Variants in MYOCD observed in about 807,000 individuals in gnomAD.
The protein encoded by MYOCD is myocardin.
Under a neutral mutation model 96.1 loss-of-function variants are expected in MYOCD, and 32 were observed. The ratio of observed to expected loss-of-function variants is 0.33; its 90% CI spans 0.25 to 0.45. MYOCD has a LOEUF of 0.45. MYOCD is among the 20% of genes least tolerant of loss of function. The probability of loss-of-function intolerance (pLI) is 1.00; values close to 1 mark genes in which losing one functional copy is unlikely to be tolerated. For synonymous variants in MYOCD, 469 were observed against 469.0 expected, an observed-to-expected ratio of 1.00 and a Z score of 0.00; for missense variants, 1,133 against 1,200.6, an observed-to-expected ratio of 0.94 and a Z score of 0.83.
Position 12,765,232 on chromosome 17 carries a change from A to T in MYOCD, c.*1588A>T, listed in dbSNP as rs1327263878. 1 of 151,538 alleles carries T rather than the reference A, an allele frequency of 6.6e-6. No homozygotes were observed. The highest frequency in any genetic ancestry group is 2.4e-5 in the African/African-American group (1 of 41,180). 9.4% of individuals were successfully genotyped at this position (151,538 alleles called of 1,614,324 possible). ...CTGTGGCTCCAGTTCACCATTTTAT[A>T]TTGTTGCATGCTGTAGAAAGGAGCT... On this transcript the variant is annotated 3_prime_UTR_variant, in exon 14 of 14. Transcript: ENST00000425538.
intron 1 of MYOCD, among the ~76,000 whole-genome samples, chr17:12,693,368 G>A (rs112127421): frequency 6.6e-6 from 1 of 151,870 alleles, no homozygotes; most frequent in African/African-American, 2.4e-5. Context: ...CCAGCACTTT[G>A]GGAGGCCGAG....
chr17:12,721,011 G>A (rs1306785032), intron 4 of MYOCD, among the ~76,000 whole-genome samples: 2 of 125,018 alleles, frequency 1.6e-5, no homozygotes, highest in Non-Finnish European at 3.2e-5. Context: ...AACAGAGCAA[G>A]ACTCTGTCTT....
intron 2 of MYOCD, among the ~76,000 whole-genome samples, chr17:12,708,061 C>A (rs2031358095): frequency 6.6e-6 from 1 of 152,080 alleles, no homozygotes; most frequent in South Asian, 2.1e-4. Flanking sequence ...TCCAGAAGCC[C>A]CCTGATAATT....
chr17:12,717,538 A>G, intron 4 of MYOCD, 117 bp downstream of exon 4: 1 of 806,084 alleles, frequency 1.2e-6, no homozygotes, highest in Non-Finnish European at 2.0e-6. Context: ...TTGCCGTTAC[A>G]AAGTGGTAGT....
At chr17:12,733,695 C>G (rs1171114855) in intron 5 of MYOCD, among the ~76,000 whole-genome samples, 4 of 152,078 alleles carry the variant, frequency 2.6e-5, no homozygotes, top group African/African-American at 9.7e-5. Context: ...TGGTGAAACC[C>G]TGTCTCCACA....
chr17:12,684,388 C>A (rs1278602407), intron 1 of MYOCD, among the ~76,000 whole-genome samples: 1 of 152,132 alleles, frequency 6.6e-6, no homozygotes, highest in African/African-American at 2.4e-5. Flanking sequence ...GCATCCATGG[C>A]CCTCTTTTTC....
intron 5 of MYOCD, among the ~76,000 whole-genome samples, chr17:12,723,497 G>T (rs886664022): frequency 2.0e-5 from 3 of 152,162 alleles, no homozygotes; most frequent in Admixed American, 1.3e-4. Flanking sequence ...GAAATTCATG[G>T]TAAACAGTAC....
Position 12,701,505 on chromosome 17 carries a change from A to AT in MYOCD, c.56-3617dup, listed in dbSNP as rs551375556. On this transcript the variant is annotated intron_variant, in intron 1 of 13. Coordinates refer to ENST00000425538, the MANE Select transcript of MYOCD (RefSeq NM_001146312.3). ...AAATAACTAGCTTTTGGCATTGTCA[A>AT]TTTTTTCTACTACTTGTCTGTTTTC... Among the ~76,000 whole-genome samples, 171 of 152,184 alleles carry AT rather than the reference A, an allele frequency of 1.1e-3. 1 individual carries two copies. Among genetic ancestry groups the AT allele is most frequent in the African/African-American group, 3.7e-3 (155 of 41,518 alleles).
rs757736564 is a variant in MYOCD at position 12,744,409 on chromosome 17, A to G, written c.944A>G (p.Tyr315Cys). 2 of 1,613,154 alleles carry G rather than the reference A, an allele frequency of 1.2e-6. No homozygotes were observed. The highest frequency in any genetic ancestry group is 1.1e-5 in the South Asian group (1 of 90,976). ...QQQQQQHRFS[Y>C]LGMHQAQLKE... ...CAGCAGCAGCAACACCGATTCAGCT[A>G]CCTAGGGATGCACCAAGCTCAGCTT... The change falls in exon 8 of 14, where the codon TAC becomes TGC. Residue 315 changes from tyrosine (Y) to cysteine (C), a missense_variant. Physicochemically the swap from Tyr to Cys is radical, Grantham distance 194 (BLOSUM62 -2). Coordinates refer to ENST00000425538, the MANE Select transcript of MYOCD (RefSeq NM_001146312.3).
At chr17:12,731,430 C>T (rs183980930) in intron 5 of MYOCD, among the ~76,000 whole-genome samples, 1 of 152,218 alleles carries the variant, frequency 6.6e-6, no homozygotes, top group Admixed American at 6.5e-5. Flanking sequence ...GCAAAGCTGA[C>T]CAGAGGATAA....
chr17:12,728,528 G>A (rs1198943605), intron 5 of MYOCD, among the ~76,000 whole-genome samples: 6 of 152,236 alleles, frequency 3.9e-5, no homozygotes, highest in Non-Finnish European at 7.4e-5. Flanking sequence ...TGCCCAGGCT[G>A]GAGTGCAATG....
At chr17:12,754,324 T>C (rs747183003) in intron 10 of MYOCD, among the ~76,000 whole-genome samples, 6 of 152,134 alleles carry the variant, frequency 3.9e-5, no homozygotes, top group Non-Finnish European at 8.8e-5. Context: ...GGCTGGTCTC[T>C]AACTCCTGAC....
chr17:12,767,525 T>C lies in MYOCD; in HGVS notation c.*3881T>C, dbSNP rs2033372015. 6.6e-6 allele frequency: 1 copy of C among 152,182 alleles called. No homozygotes were observed. The highest frequency in any genetic ancestry group is 6.5e-5 in the Admixed American group (1 of 15,280). The allele number at this position is 152,182 out of a possible 1,614,324, so 9.4% of individuals were successfully genotyped here. A position where few individuals can be genotyped will look rare whatever the true frequency, so the allele number is the denominator to read the frequency against. The stretch of plus-strand genomic sequence containing the variant: ...TTGATTCAGCACAGATTGTTCAGAT[T>C]TGAATGACCAGGGAGTTGTATTTGC... On this transcript the variant is annotated 3_prime_UTR_variant, in exon 14 of 14. Transcript: ENST00000425538.
At chr17:12,677,309 T>G (rs1910124625) in intron 1 of MYOCD, among the ~76,000 whole-genome samples, 1 of 152,104 alleles carries the variant, frequency 6.6e-6, no homozygotes, top group Non-Finnish European at 1.5e-5. Context: ...GGTATTAGGC[T>G]TAATACCTGA....
intron 4 of MYOCD, among the ~76,000 whole-genome samples, chr17:12,718,037 G>A (rs76467047): frequency 0.02 from 3,090 of 152,126 alleles, 149 homozygotes; most frequent in Admixed American, 0.11. Context: ...CAGAATCCCC[G>A]AGACCATTGG....
chr17:12,698,990 C>A (rs531806368), intron 1 of MYOCD, among the ~76,000 whole-genome samples: 1 of 151,974 alleles, frequency 6.6e-6, no homozygotes, highest in South Asian at 2.1e-4. Flanking sequence ...GATCTGCCCG[C>A]CTCGGCCTCC....
At chr17:12,709,005 T>C (rs2031394075) in intron 2 of MYOCD, among the ~76,000 whole-genome samples, 1 of 152,212 alleles carries the variant, frequency 6.6e-6, no homozygotes, top group Non-Finnish European at 1.5e-5. Flanking sequence ...AACAATGATT[T>C]AAATGCAATG....
In MYOCD at chr17:12,744,328, G is replaced by A. The variant is rs140013261; in HGVS notation, c.863G>A (p.Arg288Gln). 8.5e-5 allele frequency: 137 copies of A among 1,614,142 alleles called. No individual in the cohort carries two copies. In the African/African-American group the frequency reaches 1.3e-3, roughly 15 times the overall value. The part of the protein sequence containing the change: ...SPPPMDSAYA[R>Q]LLQQQQLFLQ... ...CCACCTATGGACTCAGCCTACGCTC[G>A]GCTGCTCCAGCAACAGCAGCTGTTC... Residue 288 changes from arginine (R) to glutamine (Q), a missense_variant, in exon 8 of 14, where the codon CGG (arginine) becomes CAG (glutamine). Arg to Gln is a conservative substitution (Grantham distance 43). Coordinates refer to ENST00000425538, the MANE Select transcript of MYOCD (RefSeq NM_001146312.3).
chr17:12,763,857 C>G lies in MYOCD; in HGVS notation c.*213C>G. On this transcript the variant is annotated 3_prime_UTR_variant, in exon 14 of 14. Transcript: ENST00000425538. ...AGTCAGTAACTGTTAATGATTTCAA[C>G]AATGCATTAAAAGAATGTGCTTTCT... 1 of 455,316 alleles carries G rather than the reference C, an allele frequency of 2.2e-6. No individual in the cohort carries two copies. Among genetic ancestry groups the G allele is most frequent in the Non-Finnish European group, 3.8e-6 (1 of 262,416 alleles). 28.2% of individuals were successfully genotyped at this position (455,316 alleles called of 1,614,324 possible).
Sources: allele counts gnomAD v4.1 joint callset (sites outside exome capture counted in the v4.1 genomes callset), GRCh38; gene constraint gnomAD v4.1.1; transcripts MANE v1.5; gene names NCBI Gene and HGNC (gene_info 2026-07-23, HGNC 2026-07-21).